Variants in RAP1GAP observed in about 807,000 individuals in gnomAD.
The protein encoded by RAP1GAP is RAP1 GTPase activating protein.
RAP1GAP carries 35 observed loss-of-function variants against 87.2 expected under a neutral mutation model. The ratio of observed to expected loss-of-function variants is 0.40; its 90% CI spans 0.31 to 0.53. The LOEUF is 0.53. Among genes scored for constraint, RAP1GAP ranks in the 20% least tolerant of loss-of-function variants. The pLI is 0.48. For missense variants in RAP1GAP, 734 were observed against 898.9 expected, an observed-to-expected ratio of 0.82 and a Z score of 2.35; for synonymous variants, 375 against 363.9, an observed-to-expected ratio of 1.03 and a Z score of -0.35.
At chr1:21,617,545 C>G (rs1558707205) in intron 6 of RAP1GAP, 54 bp from the exon 7 acceptor site, 3 of 1,535,466 alleles carry the variant, frequency 2.0e-6, no homozygotes, top group South Asian at 2.4e-5. Context: ...CTGGGCGCCC[C>G]AGGACACCCT....
At chr1:21,620,343 C>T (rs375230006) in intron 3 of RAP1GAP, among the ~76,000 whole-genome samples, 1 of 152,178 alleles carries the variant, frequency 6.6e-6, no homozygotes, top group African/African-American at 2.4e-5. Context: ...AGGGACAGAT[C>T]GTCCCCAAGT....
intron 21 of RAP1GAP, 26 bp from the exon 22 acceptor site, chr1:21,598,528 G>A (rs1238617450): frequency 6.3e-7 from 1 of 1,583,644 alleles, no homozygotes; most frequent in East Asian, 2.2e-5. Flanking sequence ...AAAGAGGGAG[G>A]GAGGTTAGCC....
chr1:21,620,612 A>G (rs1056897804), intron 3 of RAP1GAP, among the ~76,000 whole-genome samples: 1 of 152,082 alleles, frequency 6.6e-6, no homozygotes, highest in Non-Finnish European at 1.5e-5. Flanking sequence ...GAGCCAGGGC[A>G]CACGCAGAGT....
chr1:21,635,556 C>T (rs1355235260), intron 2 of RAP1GAP, among the ~76,000 whole-genome samples: 1 of 152,226 alleles, frequency 6.6e-6, no homozygotes, highest in South Asian at 2.1e-4. Context: ...TCTGGCTTCA[C>T]TGCCTAGACA....
intron 1 of RAP1GAP, among the ~76,000 whole-genome samples, chr1:21,662,269 A>T (rs1285197019): frequency 6.6e-6 from 1 of 152,164 alleles, no homozygotes; most frequent in Non-Finnish European, 1.5e-5. Context: ...GCTCCGGCAC[A>T]CTCAGCAGCA....
At chr1:21,638,729 G>GA (rs1287509385) in intron 2 of RAP1GAP, among the ~76,000 whole-genome samples, 1 of 152,192 alleles carries the variant, frequency 6.6e-6, no homozygotes, top group Non-Finnish European at 1.5e-5. Flanking sequence ...TGTGTAATCA[G>GA]AAAAAAATTA....
At chr1:21,621,637 C>A (rs2087699269) in intron 3 of RAP1GAP, among the ~76,000 whole-genome samples, 1 of 152,204 alleles carries the variant, frequency 6.6e-6, no homozygotes, top group Non-Finnish European at 1.5e-5. Context: ...CACCTGAAGT[C>A]CAGGCAGACA....
At chr1:21,631,238 G>A (rs1393646864) in intron 2 of RAP1GAP, among the ~76,000 whole-genome samples, 1 of 152,158 alleles carries the variant, frequency 6.6e-6, no homozygotes, top group African/African-American at 2.4e-5. Context: ...CATTCCTCCT[G>A]GGCGGCAGCA....
At chr1:21,629,329 T>C (rs561047463) in intron 2 of RAP1GAP, among the ~76,000 whole-genome samples, 38 of 152,260 alleles carry the variant, frequency 2.5e-4, no homozygotes, top group African/African-American at 8.2e-4. Context: ...CCTAGGCTCA[T>C]ATGATAGCCA....
At chr1:21,667,110 C>T (rs921803428) in intron 1 of RAP1GAP, among the ~76,000 whole-genome samples, 1 of 151,126 alleles carries the variant, frequency 6.6e-6, no homozygotes, top group African/African-American at 2.4e-5. Flanking sequence ...ACAGCACATG[C>T]GGCTGCTCAG....
At chr1:21,657,762 G>A (rs2096922642) in intron 1 of RAP1GAP, among the ~76,000 whole-genome samples, 1 of 152,224 alleles carries the variant, frequency 6.6e-6, no homozygotes, top group Non-Finnish European at 1.5e-5. Context: ...CCCCAGCTCT[G>A]CTGGCAACCC....
chr1:21,601,330 T>C (rs1332707401), intron 20 of RAP1GAP, among the ~76,000 whole-genome samples: 1 of 151,948 alleles, frequency 6.6e-6, no homozygotes, highest in African/African-American at 2.4e-5. Flanking sequence ...CGAGGACCCA[T>C]CTAAAACACC....
Position 21,603,759 on chromosome 1 carries a change from G to A in RAP1GAP, c.1429-846C>T. The stretch of plus-strand genomic sequence containing the variant: ...GGCAGAGGGGCAACGTCCCCAATAT[G>A]GCCTCCGTCCTGAGAGCGAGCAGAG... On this transcript the variant is annotated intron_variant, in intron 18 of 24. Coordinates refer to ENST00000374765, the MANE Select transcript of RAP1GAP (RefSeq NM_002885.4). This position sits in a 1 kb window ranked among gnomAD's most constrained non-coding sequence, Gnocchi z 6.0. The A allele has an allele frequency of 6.7e-7, 1 of 1,481,958 alleles. No individual in the cohort carries two copies. Among genetic ancestry groups the A allele is most frequent in the Non-Finnish European group, 9.4e-7 (1 of 1,061,824 alleles). 91.8% of individuals were successfully genotyped at this position (1,481,958 alleles called of 1,614,324 possible). A position where few individuals can be genotyped will look rare whatever the true frequency, so the allele number is the denominator to read the frequency against.
chr1:21,602,816 A>C lies in RAP1GAP; in HGVS notation c.1526T>G (p.Val509Gly), dbSNP rs751774246. The C allele has an allele frequency of 6.7e-5, 107 of 1,607,438 alleles. No individual in the cohort carries two copies. Among genetic ancestry groups the C allele is most frequent in the Non-Finnish European group, 8.7e-5 (103 of 1,178,618 alleles). ...CCCACTCACCCACCTCTTCTCCTGC[A>C]CCTCCTGTATGTTCTCGATGCCAAT... is the stretch of plus-strand genomic sequence containing the variant. The part of the protein sequence containing the change: ...SAIGIENIQE[V>G]QEKRESPPAG... The change falls in exon 19 of 25, where the codon GTG (valine) becomes GGG (glycine). Residue 509 changes from valine to glycine, a missense_variant. This residue lies in a region of RAP1GAP where 249 missense variants were observed against 252.7 expected (regional missense o/e 0.99). Coordinates refer to ENST00000374765, the MANE Select transcript of RAP1GAP (RefSeq NM_002885.4).
chr1:21,663,517 G>T (rs2097224426), intron 1 of RAP1GAP, among the ~76,000 whole-genome samples: 1 of 152,184 alleles, frequency 6.6e-6, no homozygotes, highest in Non-Finnish European at 1.5e-5. Context: ...GGGCTGCCCT[G>T]GCAGTTCTGG....
In RAP1GAP at chr1:21,603,835, C is replaced by T. The variant is rs192029275; in HGVS notation, c.1429-922G>A. On this transcript the variant is annotated intron_variant, in intron 18 of 24. Coordinates refer to ENST00000374765, the MANE Select transcript of RAP1GAP (RefSeq NM_002885.4). This position sits in a 1 kb window ranked among gnomAD's most constrained non-coding sequence, Gnocchi z 6.0. ...AGCCGGCGGCCCCGCGGACGACAAC[C>T]TCTTCCACGGTTCCTATGCCTATGG... is the stretch of plus-strand genomic sequence containing the variant. The T allele has an allele frequency of 6.2e-7, 1 of 1,610,978 alleles. No homozygotes were observed. The highest frequency in any genetic ancestry group is 2.2e-5 in the East Asian group (1 of 44,794).
chr1:21,638,865 C>A (rs988816964), intron 2 of RAP1GAP, among the ~76,000 whole-genome samples: 1 of 152,172 alleles, frequency 6.6e-6, no homozygotes, highest in Non-Finnish European at 1.5e-5. Flanking sequence ...GAAGCTGACA[C>A]GAAAAGAGAC....
intron 18 of RAP1GAP, 82 bp downstream of exon 18, chr1:21,605,984 T>TG: frequency 6.8e-7 from 1 of 1,460,720 alleles, no homozygotes. Context: ...CAGAGAGAGT[T>TG]GGAGTCAGGC....
chr1:21,609,766 TG>T lies in RAP1GAP; in HGVS notation c.1000-121del, dbSNP rs1205920923. ...CTTGGTCGGGGAGACCCAGTGACTG[TG>T]GGCTGGATGAATCTTTCTTCCAGAG... On this transcript the variant is annotated intron_variant, in intron 14 of 24. Transcript: ENST00000374765. The surrounding 1 kb of genome is among the most constrained non-coding windows in gnomAD (Gnocchi z 4.4). 2 of 723,216 alleles carry T rather than the reference TG, an allele frequency of 2.8e-6. No homozygotes were observed. The highest frequency in any genetic ancestry group is 4.4e-6 in the Non-Finnish European group (2 of 451,870). 44.8% of individuals were successfully genotyped at this position (723,216 alleles called of 1,614,324 possible). A position where few individuals can be genotyped will look rare whatever the true frequency, so the allele number is the denominator to read the frequency against.
Sources: allele counts gnomAD v4.1 joint callset (sites outside exome capture counted in the v4.1 genomes callset), GRCh38; gene constraint gnomAD v4.1.1; regional missense constraint gnomAD v4.1.1; non-coding constraint Gnocchi (gnomAD v3.1); transcripts MANE v1.5; gene names NCBI Gene and HGNC (gene_info 2026-07-23, HGNC 2026-07-21).